The following GSAP variants were observed in gnomAD, a reference collection of about 807,000 sequenced individuals.
GSAP encodes the protein gamma-secretase activating protein, also known as gamma-secretase-activating protein.
A neutral mutation model predicts 131.7 loss-of-function variants in GSAP; 118 were observed. The observed-to-expected ratio is 0.90, with a 90% CI of 0.77 to 1.04. The LOEUF (loss-of-function observed/expected upper bound fraction) is 1.04. Ranked by LOEUF, GSAP falls within the 50% of genes least tolerant of loss-of-function variation. The pLI is 0.00. For missense variants in GSAP, 1,019 were observed against 1,013.2 expected (o/e 1.01, Z -0.08); for synonymous variants, 381 against 363.4 (o/e 1.05, Z -0.55).
Position 77,311,939 on chromosome 7 carries a change from G to A in GSAP, c.2375C>T (p.Pro792Leu), listed in dbSNP as rs1474192790. ...TRLLQNYKKQ[P>L]RNSMINKSSF... Reference sequence around the variant, plus strand: ...TGACTTGTTAATCATAGAATTCCGAGGCTAAAAGGGAAACCACTTCTGGTG... The same window carrying A: ...TGACTTGTTAATCATAGAATTCCGAAGCTAAAAGGGAAACCACTTCTGGTG... The change falls in exon 30 of 31, where the codon CCT (proline) becomes CTT (leucine). Residue 792 changes from proline to leucine, a missense_variant and splice_region_variant. Coordinates refer to ENST00000257626, the MANE Select transcript of GSAP (RefSeq NM_017439.4). 1 of 1,563,584 alleles carries A rather than the reference G, an allele frequency of 6.4e-7. No individual in the cohort carries two copies.
intron 1 of GSAP, among the ~76,000 whole-genome samples, chr7:77,410,166 T>G (rs10240710): frequency 0.12 from 18,597 of 151,902 alleles, 1,638 homozygotes; most frequent in East Asian, 0.42. Context: ...AGACAGAGAG[T>G]TGAAAGAAAT....
intron 1 of GSAP, among the ~76,000 whole-genome samples, chr7:77,414,844 CTTTTTTTTTTTTTTTT>C (rs57095326): frequency 1.7e-5 from 1 of 59,858 alleles, no homozygotes; most frequent in African/African-American, 7.4e-5. Context: ...ATGTGGGCGA[CTTTTTTTTTTTTTTTT>C]TTTTTTTTTT....
intron 6 of GSAP, among the ~76,000 whole-genome samples, chr7:77,385,946 T>C (rs1208541420): frequency 1.3e-5 from 2 of 152,198 alleles, no homozygotes; most frequent in East Asian, 1.9e-4. Context: ...GAAAGGAAAT[T>C]ATGCTGTAGC....
intron 19 of GSAP, among the ~76,000 whole-genome samples, chr7:77,347,351 G>A (rs952250475): frequency 2.0e-5 from 3 of 152,104 alleles, no homozygotes; most frequent in African/African-American, 4.8e-5. Flanking sequence ...GGTGTGGAGG[G>A]TAGTCTTGGG....
Position 77,406,455 on chromosome 7 carries a change from T to C in GSAP, c.110-350A>G, listed in dbSNP as rs558303341. 3.9e-5 allele frequency among the ~76,000 whole-genome samples: 6 copies of C among 152,364 alleles called. No individual in the cohort carries two copies. The South Asian group carries it at 1.2e-3, about 32-fold the overall frequency. On this transcript the variant is annotated intron_variant, in intron 1 of 30. Coordinates refer to ENST00000257626, the MANE Select transcript of GSAP (RefSeq NM_017439.4). ...TTCAAGTATCTATTAGTTTTTGCTT[T>C]ATGCATTTTGAGGATATATCATTAA...
intron 23 of GSAP, 58 bp from the exon 24 acceptor site, chr7:77,323,800 G>C: frequency 1.4e-6 from 1 of 718,682 alleles, no homozygotes; most frequent in Admixed American, 2.6e-5. Flanking sequence ...CCTGCAACTG[G>C]TTTGAATTAG....
intron 6 of GSAP, among the ~76,000 whole-genome samples, chr7:77,384,161 G>C (rs1798200336): frequency 3.3e-5 from 5 of 152,200 alleles, no homozygotes; most frequent in Admixed American, 3.3e-4. Context: ...CAAATGTTCA[G>C]TGCCTCAAAA....
intron 26 of GSAP, among the ~76,000 whole-genome samples, chr7:77,318,484 A>C (rs1308379112): frequency 1.3e-5 from 2 of 152,230 alleles, no homozygotes; most frequent in African/African-American, 4.8e-5. Context: ...GAAGTAACTA[A>C]ATATCAGCTG....
intron 12 of GSAP, among the ~76,000 whole-genome samples, chr7:77,370,364 G>C (rs903709023): frequency 6.6e-6 from 1 of 152,170 alleles, no homozygotes; most frequent in South Asian, 2.1e-4. Context: ...GGAAGGCTGA[G>C]GCAAGAGAAT....
At chr7:77,345,755 C>T (rs750475338) in intron 19 of GSAP, among the ~76,000 whole-genome samples, 9 of 152,124 alleles carry the variant, frequency 5.9e-5, no homozygotes, top group Non-Finnish European at 1.0e-4. Flanking sequence ...TCCTATAAAA[C>T]GGCCCCACCC....
chr7:77,402,407 A>AT (rs1801467451), intron 3 of GSAP, among the ~76,000 whole-genome samples: 1 of 132,830 alleles, frequency 7.5e-6, no homozygotes, highest in African/African-American at 2.7e-5. Context: ...AAAAAGAAAA[A>AT]AAAAATATAT....
At chr7:77,345,756 G>A (rs1259838788) in intron 19 of GSAP, among the ~76,000 whole-genome samples, 3 of 151,820 alleles carry the variant, frequency 2.0e-5, no homozygotes, top group Non-Finnish European at 2.9e-5. Flanking sequence ...CCTATAAAAC[G>A]GCCCCACCCC....
chr7:77,407,588 T>C (rs983327339), intron 1 of GSAP, among the ~76,000 whole-genome samples: 1 of 152,202 alleles, frequency 6.6e-6, no homozygotes, highest in African/African-American at 2.4e-5. Flanking sequence ...ATTCTTTTAT[T>C]AGTTATACTA....
chr7:77,349,559 A>C (rs2150826717), intron 18 of GSAP, among the ~76,000 whole-genome samples, 155 bp from the exon 19 acceptor site: 1 of 152,320 alleles, frequency 6.6e-6, no homozygotes, highest in African/African-American at 2.4e-5. Flanking sequence ...CATAAATAAC[A>C]GTGAATATAG....
intron 12 of GSAP, among the ~76,000 whole-genome samples, chr7:77,363,286 CT>C (rs1409472874): frequency 6.6e-6 from 1 of 152,232 alleles, no homozygotes; most frequent in Non-Finnish European, 1.5e-5. Flanking sequence ...ACACCCTCAA[CT>C]TTCCCCACCT....
At chr7:77,352,330 C>T (rs1177748573) in intron 18 of GSAP, among the ~76,000 whole-genome samples, 2 of 152,220 alleles carry the variant, frequency 1.3e-5, no homozygotes, top group African/African-American at 4.8e-5. Flanking sequence ...TTTTCAGGCA[C>T]AGCCTATGTA....
chr7:77,351,209 C>T, intron 18 of GSAP: 6 of 982,720 alleles, frequency 6.1e-6, no homozygotes, highest in Non-Finnish European at 7.3e-6. Context: ...CTTCATTTAT[C>T]ACTACAGAGG....
At chr7:77,365,584 C>G (rs543776886) in intron 12 of GSAP, among the ~76,000 whole-genome samples, 13 of 152,218 alleles carry the variant, frequency 8.5e-5, no homozygotes, top group African/African-American at 2.9e-4. Flanking sequence ...TATAGCTGCA[C>G]AGTATTCCAC....
chr7:77,338,519 C>T (rs1344254169), intron 19 of GSAP, among the ~76,000 whole-genome samples: 1 of 152,186 alleles, frequency 6.6e-6, no homozygotes, highest in Non-Finnish European at 1.5e-5. Context: ...GGCTTATCAA[C>T]AAATTTATTT....
Sources: allele counts gnomAD v4.1 joint callset (sites outside exome capture counted in the v4.1 genomes callset), GRCh38; gene constraint gnomAD v4.1.1; transcripts MANE v1.5; gene names NCBI Gene and HGNC (gene_info 2026-07-23, HGNC 2026-07-21).